The following PDZRN4 variants were observed in gnomAD, a reference collection of about 807,000 sequenced individuals.
The protein encoded by PDZRN4 is PDZ domain containing ring finger 4.
In PDZRN4, 70 loss-of-function variants were observed where a neutral mutation model predicts 99.0. The observed-to-expected ratio is 0.71, with a 90% CI of 0.58 to 0.86. The LOEUF (loss-of-function observed/expected upper bound fraction) is 0.86, where lower values mean the gene tolerates loss of function less well. Ranked by LOEUF, PDZRN4 falls within the 40% of genes least tolerant of loss-of-function variation. The pLI is 0.00. For missense variants in PDZRN4, 1,474 were observed against 1,331.2 expected, an observed-to-expected ratio of 1.11 and a Z score of -1.67; for synonymous variants, 551 against 501.6, an observed-to-expected ratio of 1.10 and a Z score of -1.32.
intron 3 of PDZRN4, among the ~76,000 whole-genome samples, chr12:41,454,775 A>G (rs1232495869): frequency 6.6e-6 from 1 of 152,252 alleles, no homozygotes; most frequent in Non-Finnish European, 1.5e-5. Flanking sequence ...CAACTGTGGG[A>G]CAAATGGAAC....
At chr12:41,237,200 T>C (rs1025379871) in intron 3 of PDZRN4, among the ~76,000 whole-genome samples, 1 of 152,114 alleles carries the variant, frequency 6.6e-6, no homozygotes, top group Non-Finnish European at 1.5e-5. Context: ...AATGGGAATC[T>C]AGAGTTTTCA....
chr12:41,270,116 G>A (rs887229878), intron 3 of PDZRN4, among the ~76,000 whole-genome samples: 2 of 152,058 alleles, frequency 1.3e-5, no homozygotes, highest in African/African-American at 4.8e-5. Context: ...AACAGCTATG[G>A]CTGAGTCAGT....
At chr12:41,446,850 ATTT>A (rs36011837) in intron 3 of PDZRN4, among the ~76,000 whole-genome samples, 71 of 138,984 alleles carry the variant, frequency 5.1e-4, no homozygotes, top group Admixed American at 5.8e-4. Context: ...ACCAAGGGCA[ATTT>A]TTTTTTTTTT....
chr12:41,332,440 A>G (rs1426767433), intron 3 of PDZRN4, among the ~76,000 whole-genome samples: 1 of 152,078 alleles, frequency 6.6e-6, no homozygotes, highest in Non-Finnish European at 1.5e-5. Context: ...CCCAAGGCAG[A>G]ATGTTTTCTT....
chr12:41,558,760 T>C (rs1052113379), intron 7 of PDZRN4, among the ~76,000 whole-genome samples: 1 of 152,138 alleles, frequency 6.6e-6, no homozygotes, highest in African/African-American at 2.4e-5. Flanking sequence ...TTAATACATG[T>C]CCCAGTAAAA....
chr12:41,288,405 T>C (rs1951434577), intron 3 of PDZRN4, among the ~76,000 whole-genome samples: 1 of 152,204 alleles, frequency 6.6e-6, no homozygotes, highest in Admixed American at 6.5e-5. Flanking sequence ...GAGTGAGTGA[T>C]ATGGTTAGAT....
At chr12:41,285,357 A>G (rs1951416144) in intron 3 of PDZRN4, among the ~76,000 whole-genome samples, 1 of 152,176 alleles carries the variant, frequency 6.6e-6, no homozygotes, top group Non-Finnish European at 1.5e-5. Flanking sequence ...AGGAAATAAC[A>G]GAACCTGCAG....
At chr12:41,506,852 T>C (rs1267160052) in intron 4 of PDZRN4, 140 bp downstream of exon 4, 7 of 864,272 alleles carry the variant, frequency 8.1e-6, no homozygotes, top group Non-Finnish European at 1.2e-5. Flanking sequence ...ATGTCTCCCC[T>C]GTTTTGATAT....
chr12:41,500,764 A>G (rs927624605), intron 3 of PDZRN4, among the ~76,000 whole-genome samples: 2 of 152,166 alleles, frequency 1.3e-5, no homozygotes, highest in Admixed American at 6.6e-5. Context: ...GTGAGCTGAA[A>G]TTTCTTAAAA....
chr12:41,263,318 C>T (rs553777934), intron 3 of PDZRN4, among the ~76,000 whole-genome samples: 3 of 151,976 alleles, frequency 2.0e-5, no homozygotes, highest in Admixed American at 6.5e-5. Flanking sequence ...TTTGGGTGGC[C>T]GAGGTGGGCG....
intron 3 of PDZRN4, among the ~76,000 whole-genome samples, chr12:41,458,017 C>A (rs1952831291): frequency 6.6e-6 from 1 of 152,098 alleles, no homozygotes; most frequent in African/African-American, 2.4e-5. Context: ...AAGGGGACCA[C>A]CAGAAAACTT....
At chr12:41,485,184 A>G (rs942436963) in intron 3 of PDZRN4, among the ~76,000 whole-genome samples, 1 of 152,238 alleles carries the variant, frequency 6.6e-6, no homozygotes, top group Non-Finnish European at 1.5e-5. Context: ...TTTGTTTTCT[A>G]ATTGAGGGAT....
chr12:41,250,902 T>C (rs965434949), intron 3 of PDZRN4, among the ~76,000 whole-genome samples: 5 of 152,186 alleles, frequency 3.3e-5, no homozygotes, highest in Admixed American at 3.3e-4. Context: ...CACAAAGAAC[T>C]GCTGCTTGAG....
chr12:41,313,178 A>G (rs1951617984), intron 3 of PDZRN4, among the ~76,000 whole-genome samples: 1 of 152,024 alleles, frequency 6.6e-6, no homozygotes, highest in African/African-American at 2.4e-5. Context: ...CACATATTCA[A>G]TACTTACTCC....
intron 3 of PDZRN4, among the ~76,000 whole-genome samples, chr12:41,493,624 C>G (rs1286119683): frequency 3.9e-5 from 6 of 152,118 alleles, no homozygotes; most frequent in African/African-American, 1.4e-4. Context: ...GACCTGAAAC[C>G]TTCAGTTGGT....
chr12:41,538,288 A>G (rs1402434014), intron 5 of PDZRN4, among the ~76,000 whole-genome samples: 3 of 152,196 alleles, frequency 2.0e-5, no homozygotes, highest in African/African-American at 7.2e-5. Context: ...CAAGACTTTG[A>G]AGAATGAGGT....
chr12:41,344,322 G>T (rs1951837844), intron 3 of PDZRN4, among the ~76,000 whole-genome samples: 1 of 151,888 alleles, frequency 6.6e-6, no homozygotes, highest in African/African-American at 2.4e-5. Flanking sequence ...CTCTTGCCTG[G>T]ACAGTTCATT....
chr12:41,323,575 T>C (rs1951693059), intron 3 of PDZRN4, among the ~76,000 whole-genome samples: 1 of 152,030 alleles, frequency 6.6e-6, no homozygotes, highest in Non-Finnish European at 1.5e-5. Context: ...AAAATAATCA[T>C]AACCAAGTTG....
chr12:41,407,763 GAAGT>G (rs2120365308), intron 3 of PDZRN4, among the ~76,000 whole-genome samples: 1 of 151,562 alleles, frequency 6.6e-6, no homozygotes, highest in Non-Finnish European at 1.5e-5. Context: ...AGACTGTTAA[GAAGT>G]AAGGTTCACC....
Sources: allele counts gnomAD v4.1 joint callset (sites outside exome capture counted in the v4.1 genomes callset), GRCh38; gene constraint gnomAD v4.1.1; transcripts MANE v1.5; gene names NCBI Gene and HGNC (gene_info 2026-07-23, HGNC 2026-07-21).